The following TANK variants were observed in gnomAD, a reference collection of about 807,000 sequenced individuals.
TANK encodes TRAF family member-associated NF-kappa-B activator.
TANK carries 15 observed loss-of-function variants against 43.6 expected under a neutral mutation model. That is an observed-to-expected ratio of 0.34 (90% confidence interval 0.23 to 0.53). The LOEUF (loss-of-function observed/expected upper bound fraction) is 0.53, where lower values mean the gene tolerates loss of function less well. Ranked by LOEUF, TANK falls within the 20% of genes least tolerant of loss-of-function variation. The pLI is 0.94. For missense variants in TANK, 417 were observed against 498.6 expected (o/e 0.84, Z 1.56); for synonymous variants, 162 against 178.2 (o/e 0.91, Z 0.73).
chr2:161,175,844 C>T (rs1323260009), intron 1 of TANK, among the ~76,000 whole-genome samples: 1 of 152,064 alleles, frequency 6.6e-6, no homozygotes, highest in Non-Finnish European at 1.5e-5. Flanking sequence ...GCTAGATTGA[C>T]AACAGTGGGT....
intron 7 of TANK, among the ~76,000 whole-genome samples, chr2:161,231,996 A>G (rs1687932222): frequency 6.6e-6 from 1 of 152,258 alleles, no homozygotes; most frequent in Non-Finnish European, 1.5e-5. Flanking sequence ...TTATCAAAAT[A>G]AGTGAACTAT....
In TANK at chr2:161,160,507, A is replaced by C. The variant is rs941518050; in HGVS notation, c.-50+21A>C. 8 of 1,259,440 alleles carry C rather than the reference A, an allele frequency of 6.4e-6. No individual in the cohort carries two copies. The African/African-American group carries it at 7.6e-5, about 12-fold the overall frequency. 78.0% of individuals were successfully genotyped at this position (1,259,440 alleles called of 1,614,324 possible). On this transcript the variant is annotated intron_variant, in intron 1 of 7. Coordinates refer to ENST00000392749, the MANE Select transcript of TANK (RefSeq NM_001199135.3). ...ACTGTGTGAGTAAGAAACTTTGTGA[A>C]TTGGTGTGTCCGAATCCGTCAAGCA...
At chr2:161,226,141 G>T (rs1687605562) in intron 6 of TANK, among the ~76,000 whole-genome samples, 1 of 152,108 alleles carries the variant, frequency 6.6e-6, no homozygotes, top group African/African-American at 2.4e-5. Flanking sequence ...TTGTAATGGT[G>T]ATATATTCTT....
intron 4 of TANK, among the ~76,000 whole-genome samples, chr2:161,207,187 A>G (rs966807292): frequency 6.6e-6 from 1 of 152,140 alleles, no homozygotes; most frequent in African/African-American, 2.4e-5. Flanking sequence ...GATACCTGGG[A>G]TGAAATTAAG....
At chr2:161,208,045 C>A (rs1378925059) in intron 4 of TANK, 28 of 755,116 alleles carry the variant, frequency 3.7e-5, no homozygotes, top group Non-Finnish European at 4.0e-5. Context: ...CACTACGAGC[C>A]ACCCACAGTG....
chr2:161,206,136 CT>C (rs201045151), intron 4 of TANK, among the ~76,000 whole-genome samples: 15 of 148,300 alleles, frequency 1.0e-4, no homozygotes, highest in Admixed American at 2.0e-4. Flanking sequence ...ATATCTGCAA[CT>C]TTTTTTTTTA....
chr2:161,200,524 CTG>C, intron 2 of TANK: 2 of 983,450 alleles, frequency 2.0e-6, no homozygotes, highest in Non-Finnish European at 2.4e-6. Flanking sequence ...CTCTCATAGT[CTG>C]TGGTCAAAAT....
intron 2 of TANK, among the ~76,000 whole-genome samples, 195 bp from the exon 3 acceptor site, chr2:161,203,292 G>T (rs1485056215): frequency 6.6e-6 from 1 of 152,010 alleles, no homozygotes; most frequent in Non-Finnish European, 1.5e-5. Context: ...CTTCTGCGGT[G>T]CTTTAAGTGT....
chr2:161,205,588 C>G lies in TANK; in HGVS notation c.327+795C>G, dbSNP rs143935682. 4.7e-4 allele frequency among the ~76,000 whole-genome samples: 72 copies of G among 152,208 alleles called. No individual in the cohort carries two copies. In the East Asian group the frequency reaches 0.011, roughly 23 times the overall value. On this transcript the variant is annotated intron_variant, in intron 4 of 7. Coordinates refer to ENST00000392749, the MANE Select transcript of TANK (RefSeq NM_001199135.3). ...GTACATATCTGCAAGGAGACATATA[C>G]AAGGACGTTCATGCCATGGGTTAGA...
chr2:161,151,585 G>T (rs1028045407), intron 1 of TANK, among the ~76,000 whole-genome samples: 1 of 151,848 alleles, frequency 6.6e-6, no homozygotes, highest in Non-Finnish European at 1.5e-5. Flanking sequence ...GTTTAGCCAC[G>T]CCATCTCTCT....
intron 7 of TANK, among the ~76,000 whole-genome samples, chr2:161,235,128 G>A (rs1243261880): frequency 1.3e-5 from 2 of 152,156 alleles, no homozygotes; most frequent in Non-Finnish European, 2.9e-5. Context: ...GACTGTGTGT[G>A]TCCCAAGTGA....
chr2:161,170,778 T>C (rs1479013521), intron 1 of TANK, among the ~76,000 whole-genome samples: 2 of 152,122 alleles, frequency 1.3e-5, no homozygotes. Context: ...GGAACAGAGG[T>C]CCATAGAAAG....
intron 6 of TANK, 84 bp from the exon 7 acceptor site, chr2:161,230,887 T>C: frequency 9.5e-7 from 1 of 1,056,252 alleles, no homozygotes; most frequent in Non-Finnish European, 1.4e-6. Flanking sequence ...GAAAAAATAA[T>C]AATAATCTCT....
chr2:161,161,134 T>G (rs1684413696), intron 1 of TANK: 2 of 1,334,144 alleles, frequency 1.5e-6, no homozygotes, highest in Non-Finnish European at 2.0e-6. Flanking sequence ...GTAAACTGAC[T>G]AGCAACGAGT....
Position 161,231,025 on chromosome 2 carries a change from C to A in TANK, c.575C>A (p.Ala192Glu). Residue 192 changes from alanine (A) to glutamate (E), a missense_variant, in exon 7 of 8, where the codon GCG becomes GAG. Physicochemically the swap from Ala to Glu is moderately radical, Grantham distance 107 (BLOSUM62 -1). Coordinates refer to ENST00000392749, the MANE Select transcript of TANK (RefSeq NM_001199135.3). ...QCTDKTDKQE[A>E]LFKPQAKDDI... ...ACGGATAAAACAGATAAACAAGAAG[C>A]GCTGTTTAAGCCTCAGGCTAAAGAT... The A allele has an allele frequency of 6.2e-7, 1 of 1,614,036 alleles. No individual in the cohort carries two copies.
rs750813232 is a variant in TANK at position 161,231,194 on chromosome 2, C to T, written c.744C>T (p.Ser248=). 5 of 1,613,884 alleles carry T rather than the reference C, an allele frequency of 3.1e-6. No homozygotes were observed. Among genetic ancestry groups the T allele is most frequent in the Admixed American group, 3.3e-5 (2 of 60,002 alleles). ...PMDNDSTFLH[S]TPERPGILSP... is the part of the protein sequence containing the mutation. The stretch of plus-strand genomic sequence containing the variant: ...ACAATGACTCAACTTTCTTACATAG[C>T]ACTCCAGAGAGACCCGGCATCCTTA... The change falls in exon 7 of 8, where the codon AGC becomes AGT. Residue 248 remains serine (S), a synonymous_variant. Coordinates refer to ENST00000392749, the MANE Select transcript of TANK (RefSeq NM_001199135.3).
chr2:161,181,448 A>G (rs1246175579), intron 2 of TANK, among the ~76,000 whole-genome samples: 1 of 152,118 alleles, frequency 6.6e-6, no homozygotes, highest in Non-Finnish European at 1.5e-5. Context: ...ACAAAAAAAA[A>G]CTACCTGAGA....
intron 1 of TANK, among the ~76,000 whole-genome samples, chr2:161,138,329 G>A (rs373648641): frequency 6.6e-6 from 1 of 152,086 alleles, no homozygotes; most frequent in African/African-American, 2.4e-5. Flanking sequence ...GGCAGAACCA[G>A]GGCTTAAACA....
intron 1 of TANK, chr2:161,161,280 C>A: frequency 6.4e-7 from 1 of 1,550,438 alleles, no homozygotes. Flanking sequence ...TATCTCACCT[C>A]ACAGGAGATG....
Sources: gnomAD v4.1 joint callset for allele counts (sites outside exome capture counted in the v4.1 genomes callset) on GRCh38, gnomAD v4.1.1 for gene constraint, MANE v1.5 for transcripts, NCBI Gene and HGNC (gene_info 2026-07-23, HGNC 2026-07-21) for gene names.